Variants in PTPRD observed in about 807,000 individuals in gnomAD.
PTPRD encodes the protein receptor-type tyrosine-protein phosphatase delta.
PTPRD carries 34 observed loss-of-function variants against 214.5 expected under a neutral mutation model. The ratio of observed to expected loss-of-function variants is 0.16; its 90% confidence interval spans 0.12 to 0.21. PTPRD has a LOEUF of 0.21. PTPRD is among the 10% of genes least tolerant of loss of function. PTPRD has a pLI of 1.00. For missense variants in PTPRD, 2,545 were observed against 2,398.7 expected, an observed-to-expected ratio of 1.06 and a Z score of -1.27; for synonymous variants, 1,128 against 845.7, an observed-to-expected ratio of 1.33 and a Z score of -5.79.
At chr9:10,238,049 C>A (rs554462083) in intron 3 of PTPRD, among the ~76,000 whole-genome samples, 2 of 151,306 alleles carry the variant, frequency 1.3e-5, no homozygotes, top group Admixed American at 6.6e-5. Context: ...TTTAAAAATC[C>A]TTTCTCTGAT....
chr9:8,545,304 A>G (rs1444133550), intron 14 of PTPRD, among the ~76,000 whole-genome samples: 1 of 152,130 alleles, frequency 6.6e-6, no homozygotes, highest in Non-Finnish European at 1.5e-5. Context: ...CATTTCTGAT[A>G]ATTCAGTTTT....
At chr9:10,072,477 G>C (rs149074796) in intron 3 of PTPRD, among the ~76,000 whole-genome samples, 3 of 152,080 alleles carry the variant, frequency 2.0e-5, no homozygotes, top group Admixed American at 6.6e-5. Context: ...GCAGCAACAA[G>C]ATTTATTGTG....
At chr9:8,659,205 G>A (rs2096979112) in intron 12 of PTPRD, among the ~76,000 whole-genome samples, 1 of 152,194 alleles carries the variant, frequency 6.6e-6, no homozygotes, top group South Asian at 2.1e-4. Context: ...CATGGTCCTT[G>A]AGGATTTGGA....
At chr9:10,515,728 G>T (rs780345163) in intron 2 of PTPRD, among the ~76,000 whole-genome samples, 2 of 151,988 alleles carry the variant, frequency 1.3e-5, no homozygotes, top group East Asian at 1.9e-4. Flanking sequence ...TACACCTGCT[G>T]AATAGTAACT....
At chr9:9,829,628 T>C (rs980720803) in intron 5 of PTPRD, among the ~76,000 whole-genome samples, 5 of 151,890 alleles carry the variant, frequency 3.3e-5, no homozygotes, top group Admixed American at 2.0e-4. Flanking sequence ...TGTTTTTCCA[T>C]ATACAGGATA....
intron 40 of PTPRD, 97 bp from the exon 41 acceptor site, chr9:8,341,365 A>C: frequency 7.6e-7 from 1 of 1,312,150 alleles, no homozygotes; most frequent in South Asian, 1.5e-5. Context: ...TTTTAGATAT[A>C]AATCTTTTGT....
rs141203725 is a variant in PTPRD, at chr9:8,778,638, G to A, written c.-103-44692C>T. ...AAGCACCTTCTACTGCCTAAGAGAT[G>A]TGGATTCCACTGTTTACTTAAGCCC... On this transcript the variant is annotated intron_variant, in intron 11 of 45. Transcript: ENST00000381196. Among the ~76,000 whole-genome samples the A allele has an allele frequency of 7.1e-3, 1,086 of 152,274 alleles. 8 individuals carry two copies. Among genetic ancestry groups the A allele is most frequent in the South Asian group, 0.029 (139 of 4,818 alleles).
intron 11 of PTPRD, among the ~76,000 whole-genome samples, chr9:8,746,388 T>C (rs1259764487): frequency 1.3e-5 from 2 of 152,194 alleles, no homozygotes; most frequent in Non-Finnish European, 2.9e-5. Context: ...ACTATGCATT[T>C]CCCATACCAA....
intron 9 of PTPRD, among the ~76,000 whole-genome samples, chr9:9,380,761 A>G (rs1472793257): frequency 6.6e-6 from 1 of 152,100 alleles, no homozygotes; most frequent in Non-Finnish European, 1.5e-5. Flanking sequence ...GTGTCTGACT[A>G]TTTCTGATAC....
rs371448866 is a variant in PTPRD, at chr9:8,454,457, C to T, written c.3876-4620G>A. Reference sequence around the variant, plus strand: ...CTGTGTATATGTAGGCTTTGCCCATCTTCCACGTGCCAGGTATTATCTTTT... The same window carrying T: ...CTGTGTATATGTAGGCTTTGCCCATTTTCCACGTGCCAGGTATTATCTTTT... On this transcript the variant is annotated intron_variant, in intron 33 of 45. Transcript: ENST00000381196. 2.4e-4 allele frequency: 220 copies of T among 919,516 alleles called. 2 individuals are homozygous for T. The highest frequency in any genetic ancestry group is 1.2e-3 in the East Asian group (46 of 38,680). 57.0% of individuals were successfully genotyped at this position (919,516 alleles called of 1,614,324 possible). A position where few individuals can be genotyped will look rare whatever the true frequency, so the allele number is the denominator to read the frequency against.
At chr9:9,525,506 G>T (rs896725835) in intron 8 of PTPRD, among the ~76,000 whole-genome samples, 20 of 152,130 alleles carry the variant, frequency 1.3e-4, no homozygotes, top group Non-Finnish European at 5.9e-5. Context: ...GCCCCATAAA[G>T]AAAAATTTGT....
At chr9:10,302,677 A>G (rs1349591432) in intron 3 of PTPRD, among the ~76,000 whole-genome samples, 2 of 152,250 alleles carry the variant, frequency 1.3e-5, no homozygotes, top group African/African-American at 4.8e-5. Context: ...AGGGCATTAC[A>G]TAATGGTAAA....
intron 14 of PTPRD, among the ~76,000 whole-genome samples, chr9:8,596,887 G>C (rs1564609538): frequency 1.3e-5 from 2 of 152,044 alleles, no homozygotes; most frequent in East Asian, 1.9e-4. Context: ...GACTCCATTT[G>C]ACACATTTAA....
At chr9:9,010,356 C>T (rs1445106685) in intron 11 of PTPRD, among the ~76,000 whole-genome samples, 1 of 152,202 alleles carries the variant, frequency 6.6e-6, no homozygotes, top group African/African-American at 2.4e-5. Context: ...TGCACATTGA[C>T]ATGCTATAGG....
chr9:8,727,679 C>G (rs751949859), intron 12 of PTPRD, among the ~76,000 whole-genome samples: 3 of 151,858 alleles, frequency 2.0e-5, no homozygotes, highest in Non-Finnish European at 4.4e-5. Flanking sequence ...TGTTTTGAGA[C>G]AGAGTCTCTC....
At chr9:9,508,345 T>C (rs775005461) in intron 8 of PTPRD, among the ~76,000 whole-genome samples, 3 of 151,332 alleles carry the variant, frequency 2.0e-5, no homozygotes, top group Admixed American at 1.3e-4. Context: ...TTCAACGCGT[T>C]GTTTCTTCTA....
chr9:9,556,182 G>A (rs1296773538), intron 8 of PTPRD, among the ~76,000 whole-genome samples: 1 of 152,052 alleles, frequency 6.6e-6, no homozygotes, highest in East Asian at 1.9e-4. Context: ...AAGTAAGCCA[G>A]AGAAAAGAAA....
At chr9:10,424,101 T>C (rs1587904368) in intron 2 of PTPRD, among the ~76,000 whole-genome samples, 1 of 152,104 alleles carries the variant, frequency 6.6e-6, no homozygotes, top group East Asian at 1.9e-4. Context: ...GTTAAATGTG[T>C]GCCTTACAGT....
chr9:9,863,440 G>A (rs1192311991), intron 5 of PTPRD, among the ~76,000 whole-genome samples: 7 of 152,160 alleles, frequency 4.6e-5, no homozygotes, highest in Non-Finnish European at 4.4e-5. Flanking sequence ...TATAGTGAAC[G>A]TTGAATGTGT....
Sources: allele counts gnomAD v4.1 joint callset (sites outside exome capture counted in the v4.1 genomes callset), GRCh38; gene constraint gnomAD v4.1.1; transcripts MANE v1.5; gene names NCBI Gene and HGNC (gene_info 2026-07-23, HGNC 2026-07-21).